Variants in TTC29 observed in about 807,000 individuals in gnomAD.
TTC29 encodes the protein tetratricopeptide repeat protein 29.
TTC29 carries 49 observed loss-of-function variants against 58.1 expected under a neutral mutation model. The ratio of observed to expected loss-of-function variants is 0.84; its 90% CI spans 0.67 to 1.07. The LOEUF is 1.07. Among genes scored for constraint, TTC29 ranks in the 50% least tolerant of loss-of-function variants. The pLI is 0.00. For missense variants in TTC29, 582 were observed against 555.6 expected, an observed-to-expected ratio of 1.05 and a Z score of -0.48; for synonymous variants, 209 against 196.8, an observed-to-expected ratio of 1.06 and a Z score of -0.52.
chr4:146,792,648 GTCT>G (rs1749549399), intron 11 of TTC29, among the ~76,000 whole-genome samples: 1 of 152,128 alleles, frequency 6.6e-6, no homozygotes, highest in Non-Finnish European at 1.5e-5. Flanking sequence ...TGACTTCGAA[GTCT>G]TATTATTTAA....
chr4:146,832,554 C>T (rs568060492), intron 9 of TTC29, among the ~76,000 whole-genome samples: 6 of 152,048 alleles, frequency 3.9e-5, no homozygotes, highest in East Asian at 1.9e-4. Context: ...TCACTGCAAC[C>T]GCCACCTCCC....
At position 146,811,679 on chromosome 4, in the gene TTC29, A is replaced by G. The variant is rs148563288; in HGVS notation, c.1102-7994T>C. Among the ~76,000 whole-genome samples the G allele has an allele frequency of 8.4e-3, 1,287 of 152,350 alleles. 12 individuals are homozygous for G. The highest frequency in any genetic ancestry group is 0.03 in the African/African-American group (1,238 of 41,586). On this transcript the variant is annotated intron_variant, in intron 10 of 12. Transcript: ENST00000325106. ...AACAACACAGGAACAGCTTTATACC[A>G]TTACAGCAAGTAGAGGTAAAACACA... is the stretch of plus-strand genomic sequence containing the variant.
intron 11 of TTC29, among the ~76,000 whole-genome samples, chr4:146,719,189 GGTGT>G (rs60552473): frequency 0.057 from 8,188 of 144,118 alleles, 254 homozygotes; most frequent in Non-Finnish European, 0.066. Flanking sequence ...TGGCTATTGG[GGTGT>G]GTGTGTGTGT....
In TTC29 at chr4:146,857,274, A is replaced by G. The variant is rs895050690; in HGVS notation, c.885+10224T>C. On this transcript the variant is annotated intron_variant, in intron 8 of 12. Coordinates refer to ENST00000325106, the MANE Select transcript of TTC29 (RefSeq NM_031956.4). Reference sequence around the variant, plus strand: ...GTAGGCGCTGTTTGTGTACTAGTGGAAGAGTGTGTGTGTGTGTGTGTGTGG... The same window carrying G: ...GTAGGCGCTGTTTGTGTACTAGTGGGAGAGTGTGTGTGTGTGTGTGTGTGG... Among the ~76,000 whole-genome samples the G allele has an allele frequency of 5.1e-5, 6 of 116,736 alleles. No individual in the cohort carries two copies. In the Admixed American group the frequency reaches 6.0e-4, roughly 12 times the overall value. 76.6% of individuals were successfully genotyped at this position (116,736 alleles called of 152,430 possible).
chr4:146,817,210 A>G (rs1412446918), intron 10 of TTC29, among the ~76,000 whole-genome samples: 1 of 152,230 alleles, frequency 6.6e-6, no homozygotes, highest in African/African-American at 2.4e-5. Context: ...AATCTCCTTA[A>G]GCTGATAAGC....
chr4:146,807,685 C>A (rs931062117), intron 10 of TTC29, among the ~76,000 whole-genome samples: 4 of 152,162 alleles, frequency 2.6e-5, no homozygotes, highest in Non-Finnish European at 5.9e-5. Context: ...CAAGACTATA[C>A]CAGGAAGAAG....
intron 10 of TTC29, among the ~76,000 whole-genome samples, chr4:146,811,756 A>T (rs866152205): frequency 2.6e-5 from 4 of 152,220 alleles, no homozygotes; most frequent in Non-Finnish European, 5.9e-5. Flanking sequence ...GATCGGTCAA[A>T]CTGACTGAAT....
At chr4:146,870,624 C>T (rs1730869165) in intron 7 of TTC29, among the ~76,000 whole-genome samples, 1 of 151,644 alleles carries the variant, frequency 6.6e-6, no homozygotes, top group African/African-American at 2.4e-5. Context: ...AGAAGAAACC[C>T]TTAAATTATT....
intron 8 of TTC29, among the ~76,000 whole-genome samples, chr4:146,857,589 G>A (rs545260897): frequency 2.6e-4 from 39 of 152,246 alleles, no homozygotes; most frequent in Middle Eastern, 3.4e-3. Flanking sequence ...AAGCAGGCTT[G>A]TCTGCATGTT....
chr4:146,857,573 G>A (rs899309361), intron 8 of TTC29, among the ~76,000 whole-genome samples: 2 of 152,106 alleles, frequency 1.3e-5, no homozygotes, highest in African/African-American at 4.8e-5. Context: ...GAGGCAAACT[G>A]GCTGCAAGCA....
At chr4:146,714,962 A>G (rs374500239) in intron 11 of TTC29, among the ~76,000 whole-genome samples, 1 of 152,056 alleles carries the variant, frequency 6.6e-6, no homozygotes, top group East Asian at 1.9e-4. Context: ...CCTCCCAAGT[A>G]GCTGGGACTA....
chr4:146,791,347 A>C (rs1749432208), intron 11 of TTC29, among the ~76,000 whole-genome samples: 1 of 152,168 alleles, frequency 6.6e-6, no homozygotes, highest in African/African-American at 2.4e-5. Context: ...CAGTATTTCA[A>C]ACTTACTATT....
At chr4:146,803,432 A>C in intron 11 of TTC29, 25 bp downstream of exon 11, 1 of 1,444,968 alleles carries the variant, frequency 6.9e-7, no homozygotes, top group Non-Finnish European at 9.4e-7. Flanking sequence ...TGAAAACTAA[A>C]GTGTTCTAAA....
chr4:146,906,386 T>C (rs1435280835), intron 5 of TTC29, among the ~76,000 whole-genome samples: 1 of 152,234 alleles, frequency 6.6e-6, no homozygotes, highest in African/African-American at 2.4e-5. Flanking sequence ...AACTTCACTG[T>C]GACCCTAGAG....
chr4:146,800,372 C>T (rs1481759482), intron 11 of TTC29, among the ~76,000 whole-genome samples: 2 of 152,164 alleles, frequency 1.3e-5, no homozygotes, highest in Non-Finnish European at 2.9e-5. Flanking sequence ...GGATGGAAGT[C>T]TCAGAGGTGA....
chr4:146,891,816 G>C (rs1732385630), intron 6 of TTC29, among the ~76,000 whole-genome samples: 1 of 152,120 alleles, frequency 6.6e-6, no homozygotes, highest in Non-Finnish European at 1.5e-5. Flanking sequence ...AGCCTCTTTG[G>C]GGAATGCTCA....
At chr4:146,817,649 A>T (rs1462425688) in intron 10 of TTC29, among the ~76,000 whole-genome samples, 1 of 152,212 alleles carries the variant, frequency 6.6e-6, no homozygotes, top group East Asian at 1.9e-4. Flanking sequence ...AAAAGAACAA[A>T]GCTGGAGGCA....
chr4:146,806,621 T>TAA (rs201852371), intron 10 of TTC29, among the ~76,000 whole-genome samples: 9,168 of 138,192 alleles, frequency 0.066, 372 homozygotes, highest in Admixed American at 0.14. Context: ...CCAACAAAGA[T>TAA]AAAAAAAAAA....
chr4:146,937,534 A>G, intron 4 of TTC29, 60 bp downstream of exon 4: 2 of 1,120,610 alleles, frequency 1.8e-6, no homozygotes, highest in Non-Finnish European at 2.5e-6. Context: ...AAATTTCAAT[A>G]AAGAATCAAG....
Sources: gnomAD v4.1 joint callset for allele counts (sites outside exome capture counted in the v4.1 genomes callset) on GRCh38, gnomAD v4.1.1 for gene constraint, MANE v1.5 for transcripts, NCBI Gene and HGNC (gene_info 2026-07-23, HGNC 2026-07-21) for gene names.